SKAP1: variants seen among roughly 807,000 people sequenced by gnomAD.
The protein encoded by SKAP1 is src kinase associated phosphoprotein 1.
Under a neutral mutation model 58.5 loss-of-function variants are expected in SKAP1, and 44 were observed. That is an observed-to-expected ratio of 0.75 (90% CI 0.59 to 0.97). The LOEUF (loss-of-function observed/expected upper bound fraction) is 0.97, where lower values mean the gene tolerates loss of function less well. Ranked by LOEUF, SKAP1 falls within the 50% of genes least tolerant of loss-of-function variation. The pLI, the probability that SKAP1 is intolerant of heterozygous loss-of-function variation, is 0.00. For missense variants in SKAP1, 390 were observed against 435.2 expected (o/e 0.90, Z 0.92); for synonymous variants, 127 against 149.7 (o/e 0.85, Z 1.11).
intron 4 of SKAP1, among the ~76,000 whole-genome samples, chr17:48,232,155 G>A (rs144016104): frequency 1.3e-4 from 20 of 152,292 alleles, no homozygotes; most frequent in African/African-American, 2.6e-4. Context: ...AGTCACCTTC[G>A]AACCTAAAAA....
At chr17:48,147,658 G>A (rs896774809) in intron 11 of SKAP1, among the ~76,000 whole-genome samples, 1 of 152,200 alleles carries the variant, frequency 6.6e-6, no homozygotes, top group African/African-American at 2.4e-5. Context: ...GGTTAGTGAT[G>A]TTGGAACTTG....
intron 3 of SKAP1, among the ~76,000 whole-genome samples, chr17:48,358,929 G>A (rs896161093): frequency 2.6e-5 from 4 of 152,064 alleles, no homozygotes; most frequent in Non-Finnish European, 5.9e-5. Context: ...GCTGGGATTC[G>A]AATTCAGGTA....
intron 4 of SKAP1, among the ~76,000 whole-genome samples, chr17:48,282,072 TAA>T (rs1327553798): frequency 8.5e-5 from 13 of 152,202 alleles, no homozygotes; most frequent in South Asian, 4.1e-4. Context: ...CAAAATAATA[TAA>T]GTTTGTCTCA....
chr17:48,181,242 GTTAT>G (rs1268325751), intron 8 of SKAP1, among the ~76,000 whole-genome samples: 2 of 152,152 alleles, frequency 1.3e-5, no homozygotes, highest in African/African-American at 4.8e-5. Flanking sequence ...TAAACCATAT[GTTAT>G]TATTTTGTTT....
At chr17:48,196,788 C>G (rs904601813) in intron 4 of SKAP1, 1 of 152,230 alleles carries the variant, frequency 6.6e-6, no homozygotes, top group Non-Finnish European at 1.5e-5. Flanking sequence ...AGTGAGCACT[C>G]GGTTACTTTT....
intron 4 of SKAP1, among the ~76,000 whole-genome samples, chr17:48,264,745 A>AAAACACACACAC (rs1555609824): frequency 7.0e-6 from 1 of 142,752 alleles, no homozygotes; most frequent in Non-Finnish European, 1.5e-5. Flanking sequence ...AAATCTACAA[A>AAAACACACACAC]ACACACACAC....
chr17:48,162,364 G>C (rs2143286857), intron 11 of SKAP1, 105 bp downstream of exon 11: 1 of 594,878 alleles, frequency 1.7e-6, no homozygotes, highest in Middle Eastern at 2.7e-4. Flanking sequence ...TATATTGTGA[G>C]GGAGCCATGG....
intron 4 of SKAP1, among the ~76,000 whole-genome samples, chr17:48,225,186 T>C (rs530570611): frequency 1.3e-5 from 2 of 152,342 alleles, no homozygotes; most frequent in Admixed American, 6.5e-5. Context: ...CTGATTTAAA[T>C]ATAAATGGGA....
chr17:48,197,796 G>A (rs984033373), intron 4 of SKAP1, among the ~76,000 whole-genome samples: 1 of 152,208 alleles, frequency 6.6e-6, no homozygotes, highest in Non-Finnish European at 1.5e-5. Flanking sequence ...GTAACTTACA[G>A]AAACCATGAG....
intron 1 of SKAP1, among the ~76,000 whole-genome samples, chr17:48,429,458 TG>T (rs982434879): frequency 4.6e-5 from 7 of 152,268 alleles, no homozygotes; most frequent in African/African-American, 1.7e-4. Context: ...CACACCACAA[TG>T]GGGGCACTTC....
chr17:48,384,771 T>A (rs1236567098), intron 2 of SKAP1, among the ~76,000 whole-genome samples: 1 of 152,170 alleles, frequency 6.6e-6, no homozygotes, highest in East Asian at 1.9e-4. Flanking sequence ...TCCAGCAGGG[T>A]ATGCCCAGCT....
At chr17:48,295,015 C>T (rs2065947606) in intron 4 of SKAP1, among the ~76,000 whole-genome samples, 1 of 152,138 alleles carries the variant, frequency 6.6e-6, no homozygotes, top group Non-Finnish European at 1.5e-5. Context: ...GCTTTTGGTA[C>T]TGCTTATTTT....
chr17:48,136,585 A>G, intron 12 of SKAP1: 1 of 152,410 alleles, frequency 6.6e-6, no homozygotes, highest in Non-Finnish European at 1.5e-5. Context: ...GCACACAGAG[A>G]AGAACAAAAA....
intron 4 of SKAP1, among the ~76,000 whole-genome samples, chr17:48,335,410 C>A (rs1479083826): frequency 6.6e-6 from 1 of 151,914 alleles, no homozygotes; most frequent in African/African-American, 2.4e-5. Context: ...TATTTCAAGG[C>A]AGAAGGGTTA....
At chr17:48,355,934 T>C (rs1322349646) in intron 3 of SKAP1, among the ~76,000 whole-genome samples, 1 of 152,150 alleles carries the variant, frequency 6.6e-6, no homozygotes, top group Admixed American at 6.5e-5. Context: ...TATACCATCA[T>C]CAGGGCCTTT....
At chr17:48,203,566 G>A (rs943886363) in intron 4 of SKAP1, 2 of 152,206 alleles carry the variant, frequency 1.3e-5, no homozygotes, top group African/African-American at 4.8e-5. Context: ...CGTCAGGTGT[G>A]TTTAACTGAA....
chr17:48,364,794 A>T (rs953492975), intron 2 of SKAP1, among the ~76,000 whole-genome samples: 1 of 152,226 alleles, frequency 6.6e-6, no homozygotes, highest in African/African-American at 2.4e-5. Context: ...TGAGCCAAGA[A>T]TGGGGCTCTT....
intron 2 of SKAP1, among the ~76,000 whole-genome samples, chr17:48,374,252 A>G (rs933238908): frequency 2.0e-5 from 3 of 146,960 alleles, no homozygotes; most frequent in African/African-American, 7.6e-5. Context: ...TGTTGCCCAG[A>G]CTGGTCTTGA....
chr17:48,423,597 T>C (rs1365309240), intron 1 of SKAP1, among the ~76,000 whole-genome samples: 1 of 152,186 alleles, frequency 6.6e-6, no homozygotes, highest in Non-Finnish European at 1.5e-5. Flanking sequence ...TTTTTTGTAT[T>C]TAATTTAATT....
Sources: allele counts gnomAD v4.1 joint callset (sites outside exome capture counted in the v4.1 genomes callset), GRCh38; gene constraint gnomAD v4.1.1; transcripts MANE v1.5; gene names NCBI Gene and HGNC (gene_info 2026-07-23, HGNC 2026-07-21).